TG: variants seen among roughly 807,000 people sequenced by gnomAD.
The protein encoded by TG is thyroglobulin, also known as thyroid hormones.
TG carries 270 observed loss-of-function variants against 324.7 expected under a neutral mutation model. The ratio of observed to expected loss-of-function variants is 0.83; its 90% confidence interval spans 0.75 to 0.92. The LOEUF is 0.92. Ranked by LOEUF, TG falls within the 40% of genes least tolerant of loss-of-function variation. The pLI is 0.00. For synonymous variants in TG, 1,401 were observed against 1,327.0 expected (o/e 1.06, Z -1.21); for missense variants, 3,591 against 3,456.4 (o/e 1.04, Z -0.98).
Position 132,911,387 on chromosome 8 carries a change from T to C in TG, c.4013T>C (p.Phe1338Ser), listed in dbSNP as rs1195695217. 7 of 1,614,084 alleles carry C rather than the reference T, an allele frequency of 4.3e-6. No homozygotes were observed. ...TCTGTCTTCTTGTAGGTGAAGACTT[T>C]TGGCACCCTGGTTTCCATTCCTGTC... Reference protein sequence around the residue: ...RGFCQIQVKTFGTLVSIPVCN... With the variant: ...RGFCQIQVKTSGTLVSIPVCN... The change falls in exon 19 of 48, where the codon TTT (phenylalanine) becomes TCT (serine). Residue 1338 changes from phenylalanine (F) to serine (S), a missense_variant. By Grantham distance (155) the Phe-to-Ser change is radical. Coordinates refer to ENST00000220616, the MANE Select transcript of TG (RefSeq NM_003235.5).
At chr8:133,059,974 G>T in intron 41 of TG, 3 of 935,876 alleles carry the variant, frequency 3.2e-6, no homozygotes, top group Non-Finnish European at 4.7e-6. Context: ...TAGAGAGACA[G>T]ATATAATGAG....
intron 12 of TG, among the ~76,000 whole-genome samples, 171 bp downstream of exon 12, chr8:132,897,957 A>T (rs1817361984): frequency 6.6e-6 from 1 of 152,174 alleles, no homozygotes; most frequent in Admixed American, 6.5e-5. Context: ...GTGTAACAGG[A>T]GCAGGAAACT....
chr8:132,980,915 T>C (rs1375474303), intron 34 of TG, among the ~76,000 whole-genome samples: 1 of 142,894 alleles, frequency 7.0e-6, no homozygotes, highest in Non-Finnish European at 1.6e-5. Context: ...TCTCATCAGA[T>C]TGTTAGGGAA....
chr8:132,895,237 C>T (rs1040779381), intron 11 of TG, among the ~76,000 whole-genome samples: 3 of 152,246 alleles, frequency 2.0e-5, no homozygotes, highest in Admixed American at 1.3e-4. Flanking sequence ...CCCTGTCTAG[C>T]TTTCTAGGCT....
In TG at chr8:132,906,871, C is replaced by T. The variant is rs1818763409; in HGVS notation, c.3818C>T (p.Ser1273Leu). Residue 1273 changes from serine to leucine, a missense_variant, in exon 17 of 48, where the codon TCA (serine) becomes TTA (leucine). Ser to Leu is a moderately radical substitution (Grantham distance 145, BLOSUM62 -2). Transcript: ENST00000220616. ...ICSLESGRWE[S>L]QLPQPRACQR... ...AGCCTGGAGAGCGGACGCTGGGAGT[C>T]ACAGCTGCCTCAGCCCCGGGCCTGC... The T allele has an allele frequency of 1.9e-6, 3 of 1,613,260 alleles. No homozygotes were observed. Among genetic ancestry groups the T allele is most frequent in the Non-Finnish European group, 2.5e-6 (3 of 1,179,818 alleles).
intron 16 of TG, 135 bp downstream of exon 16, chr8:132,901,688 G>A (rs1817954436): frequency 1.1e-6 from 1 of 935,592 alleles, no homozygotes; most frequent in Admixed American, 2.8e-5. Context: ...TGTAGTTGTG[G>A]TTGAGTCCCT....
chr8:133,051,126 C>G (rs2252706), intron 41 of TG, among the ~76,000 whole-genome samples: 23,270 of 152,152 alleles, frequency 0.15, 2,694 homozygotes, highest in East Asian at 0.53. Flanking sequence ...TGACATGCTC[C>G]TATTCTTAAG....
At chr8:133,102,442 G>A in intron 43 of TG, 3 of 920,750 alleles carry the variant, frequency 3.3e-6, no homozygotes, top group Non-Finnish European at 5.1e-6. Context: ...CAAAGACGGA[G>A]GGTGGGTACA....
chr8:133,133,541 C>A lies in TG; in HGVS notation c.8069C>A (p.Pro2690His). ...GCAACCCCCTGGCCTGACTTTGTAC[C>A]CCGTGCTGGTGGAGAGAACTACAAG... ...TFATPWPDFVPRAGGENYKEF... is the reference protein window; with the variant it reads ...TFATPWPDFVHRAGGENYKEF... The change falls in exon 47 of 48, where the codon CCC becomes CAC. Residue 2690 changes from proline (P) to histidine (H), a missense_variant. Transcript: ENST00000220616. 1 of 1,614,172 alleles carries A rather than the reference C, an allele frequency of 6.2e-7. No homozygotes were observed. The highest frequency in any genetic ancestry group is 1.3e-5 in the African/African-American group (1 of 75,038).
intron 11 of TG, among the ~76,000 whole-genome samples, chr8:132,895,554 G>C (rs1816974670): frequency 6.6e-6 from 1 of 152,210 alleles, no homozygotes. Context: ...CACCTACAAG[G>C]AGCTGAGTAG....
At chr8:133,049,400 T>C (rs2131205660) in intron 41 of TG, 2 of 298,328 alleles carry the variant, frequency 6.7e-6, no homozygotes, top group Admixed American at 8.5e-5. Context: ...TACACATGTA[T>C]CATTACATCT....
At chr8:132,956,814 G>A (rs186859791) in intron 27 of TG, among the ~76,000 whole-genome samples, 1 of 152,228 alleles carries the variant, frequency 6.6e-6, no homozygotes, top group Non-Finnish European at 1.5e-5. Context: ...CCTGGGTGGG[G>A]ATTAGCTAAA....
intron 41 of TG, among the ~76,000 whole-genome samples, chr8:133,039,034 C>T (rs554772700): frequency 2.0e-4 from 30 of 152,272 alleles, no homozygotes; most frequent in South Asian, 6.2e-4. Flanking sequence ...TCCACCACCA[C>T]GCCCAGCTAA....
At chr8:133,038,218 G>T (rs1449017172) in intron 41 of TG, 2 of 384,530 alleles carry the variant, frequency 5.2e-6, no homozygotes. Context: ...TTTCTTGTGA[G>T]AGTGGCTTTG....
chr8:133,001,874 C>T (rs1833544053), intron 35 of TG: 8 of 985,346 alleles, frequency 8.1e-6, no homozygotes, highest in Non-Finnish European at 8.4e-6. Context: ...GTGGAAACCG[C>T]CTCTTCTATT....
At chr8:133,034,772 C>T (rs1377904033) in intron 41 of TG, among the ~76,000 whole-genome samples, 1 of 152,182 alleles carries the variant, frequency 6.6e-6, no homozygotes, top group Non-Finnish European at 1.5e-5. Flanking sequence ...AGGCCTTCCT[C>T]ATCTGCAGGG....
chr8:132,974,397 G>A (rs887434269), intron 34 of TG, among the ~76,000 whole-genome samples: 1 of 152,182 alleles, frequency 6.6e-6, no homozygotes, highest in Non-Finnish European at 1.5e-5. Context: ...ATGGATTTAC[G>A]TGGGTTATAC....
intron 18 of TG, among the ~76,000 whole-genome samples, chr8:132,909,518 C>T (rs1819206261): frequency 6.6e-6 from 1 of 152,340 alleles, no homozygotes; most frequent in Middle Eastern, 3.4e-3. Flanking sequence ...GTCCTAATGA[C>T]TTCCTAAACA....
At chr8:132,929,640 A>G (rs1822403693) in intron 23 of TG, among the ~76,000 whole-genome samples, 2 of 152,144 alleles carry the variant, frequency 1.3e-5, no homozygotes, top group Admixed American at 6.5e-5. Flanking sequence ...AGTGTAAGTG[A>G]CTTGCTCACT....
Sources: gnomAD v4.1 joint callset for allele counts (sites outside exome capture counted in the v4.1 genomes callset) on GRCh38, gnomAD v4.1.1 for gene constraint, MANE v1.5 for transcripts, NCBI Gene and HGNC (gene_info 2026-07-23, HGNC 2026-07-21) for gene names.